The following ZNF236 variants were observed in gnomAD, a reference collection of about 807,000 sequenced individuals.
ZNF236 encodes regulated by glucose.
In ZNF236, 50 loss-of-function variants were observed where a neutral mutation model predicts 191.2. The ratio of observed to expected loss-of-function variants is 0.26; its 90% confidence interval spans 0.21 to 0.33. The LOEUF (loss-of-function observed/expected upper bound fraction) is 0.33. Among genes scored for constraint, ZNF236 ranks in the 10% least tolerant of loss-of-function variants. ZNF236 has a pLI of 1.00. For missense variants in ZNF236, 1,754 were observed against 2,374.5 expected, an observed-to-expected ratio of 0.74 and a Z score of 5.43; for synonymous variants, 907 against 928.8, an observed-to-expected ratio of 0.98 and a Z score of 0.43.
chr18:76,854,680 T>C (rs2122531493), intron 3 of ZNF236, among the ~76,000 whole-genome samples: 1 of 152,346 alleles, frequency 6.6e-6, no homozygotes, highest in Admixed American at 6.5e-5. Flanking sequence ...TTTTTAAATA[T>C]TGTAAGTAAT....
intron 1 of ZNF236, among the ~76,000 whole-genome samples, chr18:76,841,554 A>G (rs567380910): frequency 6.6e-6 from 1 of 152,338 alleles, no homozygotes; most frequent in African/African-American, 2.4e-5. Flanking sequence ...CATGCCTTTG[A>G]TAATTGGGTA....
chr18:76,854,480 C>T (rs755749698), intron 3 of ZNF236, among the ~76,000 whole-genome samples: 2 of 151,154 alleles, frequency 1.3e-5, no homozygotes, highest in Non-Finnish European at 1.5e-5. Context: ...TGCAGTATCT[C>T]GGGTGGGTGT....
At chr18:76,918,421 A>G (rs1967436459) in intron 19 of ZNF236, among the ~76,000 whole-genome samples, 1 of 152,124 alleles carries the variant, frequency 6.6e-6, no homozygotes, top group African/African-American at 2.4e-5. Flanking sequence ...AATGCTATGT[A>G]AATAGTTTGG....
intron 5 of ZNF236, among the ~76,000 whole-genome samples, chr18:76,874,427 A>G (rs979367515): frequency 1.3e-4 from 19 of 151,850 alleles, no homozygotes. Flanking sequence ...TCATTCCTTC[A>G]TTCATCAGAT....
At chr18:76,838,745 A>G (rs1367510821) in intron 1 of ZNF236, among the ~76,000 whole-genome samples, 2 of 152,230 alleles carry the variant, frequency 1.3e-5, no homozygotes, top group Non-Finnish European at 2.9e-5. Flanking sequence ...ATATTGATAT[A>G]TAACACACAG....
At chr18:76,907,865 TG>T (rs1967102138) in intron 13 of ZNF236, among the ~76,000 whole-genome samples, 1 of 152,208 alleles carries the variant, frequency 6.6e-6, no homozygotes. Flanking sequence ...AGGCCCAGGC[TG>T]TGAGAGACAG....
chr18:76,946,532 G>A (rs75511663), intron 26 of ZNF236, among the ~76,000 whole-genome samples: 4,747 of 152,302 alleles, frequency 0.031, 243 homozygotes, highest in African/African-American at 0.11. Flanking sequence ...CAGGAGCCAA[G>A]AACATCAGCC....
At chr18:76,952,352 A>G (rs527275392) in intron 27 of ZNF236, among the ~76,000 whole-genome samples, 15 of 152,360 alleles carry the variant, frequency 9.8e-5, no homozygotes, top group African/African-American at 3.4e-4. Context: ...AATTGGTTTT[A>G]ATCATGGTCT....
At chr18:76,947,675 C>T (rs966879540) in intron 27 of ZNF236, 23 bp downstream of exon 27, 2 of 1,610,368 alleles carry the variant, frequency 1.2e-6, no homozygotes, top group Non-Finnish European at 1.7e-6. Context: ...CCTTCATTCA[C>T]AGAGCTTTTG....
chr18:76,864,892 T>TA (rs1489833528), intron 3 of ZNF236, among the ~76,000 whole-genome samples: 4 of 151,784 alleles, frequency 2.6e-5, no homozygotes, highest in Non-Finnish European at 4.4e-5. Context: ...ATACTACTAA[T>TA]AAATCAAAAT....
intron 19 of ZNF236, among the ~76,000 whole-genome samples, chr18:76,918,543 G>C (rs973574936): frequency 5.9e-5 from 9 of 152,166 alleles, no homozygotes; most frequent in African/African-American, 2.2e-4. Context: ...TCCCACCTCA[G>C]GCTCCTGAGT....
Position 76,947,502 on chromosome 18 carries a change from A to G in ZNF236, c.4783-19A>G. ...TTGCTAAAGTTACAACTTCTGAAAT[A>G]GTACTAATCTTTTGCCAGGGTCAGC... On this transcript the variant is annotated intron_variant, in intron 26 of 30. Transcript: ENST00000320610. 1 of 1,604,560 alleles carries G rather than the reference A, an allele frequency of 6.2e-7. No individual in the cohort carries two copies. Among genetic ancestry groups the G allele is most frequent in the Non-Finnish European group, 8.5e-7 (1 of 1,176,352 alleles).
chr18:76,894,898 A>T, intron 9 of ZNF236, 115 bp from the exon 10 acceptor site: 1 of 1,382,218 alleles, frequency 7.2e-7, no homozygotes, highest in Non-Finnish European at 9.8e-7. Context: ...TGGGAATTCC[A>T]AGCTTTCCCA....
chr18:76,878,169 G>A lies in ZNF236; in HGVS notation c.984+17G>A, dbSNP rs1881912635. The A allele has an allele frequency of 1.3e-6, 2 of 1,580,818 alleles. No homozygotes were observed. The highest frequency in any genetic ancestry group is 2.4e-5 in the South Asian group (2 of 85,106). On this transcript the variant is annotated intron_variant, in intron 7 of 30. Coordinates refer to ENST00000320610, the MANE Select transcript of ZNF236 (RefSeq NM_001306089.2). Reference sequence around the variant, plus strand: ...GTTTTAACGGTAAGTTTAGTAATTTGGAAGAACTTCTTTTTAAACTAAAAT... The same window carrying A: ...GTTTTAACGGTAAGTTTAGTAATTTAGAAGAACTTCTTTTTAAACTAAAAT...
chr18:76,956,080 G>C lies in ZNF236; in HGVS notation c.5010G>C (p.Ser1670=). 6.3e-7 allele frequency: 1 copy of C among 1,597,562 alleles called. No homozygotes were observed. Among genetic ancestry groups the C allele is most frequent in the South Asian group, 1.1e-5 (1 of 88,582 alleles). ...QCLECDRAFS[S]AAVLMHHSKE... ...TGGAGTGTGACCGCGCCTTCTCATCGGCGGCGGTGCTCATGCACCACAGCA... is the reference window on the plus strand; with the variant it reads ...TGGAGTGTGACCGCGCCTTCTCATCCGCGGCGGTGCTCATGCACCACAGCA... The change falls in exon 28 of 31, where the codon TCG becomes TCC. Residue 1670 remains serine, a synonymous_variant. Transcript: ENST00000320610.
At chr18:76,908,212 T>A (rs1967110957) in intron 13 of ZNF236, 108 bp from the exon 14 acceptor site, 1 of 1,395,564 alleles carries the variant, frequency 7.2e-7, no homozygotes, top group Non-Finnish European at 9.8e-7. Flanking sequence ...AATGAAATCA[T>A]TAATAAAAAA....
At chr18:76,856,374 G>A (rs1177472402) in intron 3 of ZNF236, among the ~76,000 whole-genome samples, 2 of 152,016 alleles carry the variant, frequency 1.3e-5, no homozygotes. Context: ...GTAGAGTTGG[G>A]GCTTTGCCAT....
Position 76,952,415 on chromosome 18 carries a change from AGGCTCTGACCTG to A in ZNF236, c.4915-3559_4915-3548del, listed in dbSNP as rs376284881. On this transcript the variant is annotated intron_variant, in intron 27 of 30. Coordinates refer to ENST00000320610, the MANE Select transcript of ZNF236 (RefSeq NM_001306089.2). The stretch of plus-strand genomic sequence containing the variant: ...AGATGGAATGCACATTGACGCTTCC[AGGCTCTGACCTG>A]GGCTCTGACCAGGGACTTGAGACAC... 4.4e-4 allele frequency among the ~76,000 whole-genome samples: 67 copies of A among 152,370 alleles called. 1 individual carries two copies. In the East Asian group the frequency reaches 0.012, roughly 26 times the overall value.
chr18:76,884,831 CA>C (rs1312493642), intron 9 of ZNF236: 2 of 152,194 alleles, frequency 1.3e-5, no homozygotes, highest in Admixed American at 6.5e-5. Context: ...CAAGTTCTTA[CA>C]GCTCAGATAA....
Sources: gnomAD v4.1 joint callset for allele counts (sites outside exome capture counted in the v4.1 genomes callset) on GRCh38, gnomAD v4.1.1 for gene constraint, MANE v1.5 for transcripts, NCBI Gene and HGNC (gene_info 2026-07-23, HGNC 2026-07-21) for gene names.